Variants in SPEG observed in about 807,000 individuals in gnomAD.
SPEG encodes the protein striated muscle enriched protein kinase.
In SPEG, 114 loss-of-function variants were observed where a neutral mutation model predicts 300.4. The ratio of observed to expected loss-of-function variants is 0.38; its 90% CI spans 0.33 to 0.44. The LOEUF is 0.44. Ranked by LOEUF, SPEG falls within the 20% of genes least tolerant of loss-of-function variation. SPEG has a pLI of 1.00. For missense variants in SPEG, 4,201 were observed against 4,586.2 expected, an observed-to-expected ratio of 0.92 and a Z score of 2.43; for synonymous variants, 1,964 against 2,018.9, an observed-to-expected ratio of 0.97 and a Z score of 0.73.
intron 1 of SPEG, chr2:219,442,984 C>T (rs1051145877): frequency 2.5e-5 from 19 of 771,668 alleles, no homozygotes; most frequent in Non-Finnish European, 4.1e-5. Flanking sequence ...GCCCACCTCC[C>T]CTCTCACACA....
At chr2:219,468,832 C>T (rs371290913) in intron 11 of SPEG, 27 bp from the exon 12 acceptor site, 63 of 1,608,560 alleles carry the variant, frequency 3.9e-5, no homozygotes, top group Non-Finnish European at 5.1e-5. Context: ...TGTGCCTGCT[C>T]TGCATTCCCA....
rs558515300 is a variant in SPEG at position 219,472,061 on chromosome 2, G to A, written c.3835+74G>A. The A allele has an allele frequency of 5.0e-5, 79 of 1,583,592 alleles. No homozygotes were observed. The Middle Eastern group carries it at 8.9e-4, about 18-fold the overall frequency. ...GCACTACGTGGGGGCTCAGGGAAAG[G>A]GGCCTCCACCCAGCTCCCTTCCCCT... On this transcript the variant is annotated intron_variant, in intron 14 of 40. Transcript: ENST00000312358.
intron 13 of SPEG, 71 bp downstream of exon 13, chr2:219,469,450 T>C: frequency 8.6e-7 from 1 of 1,167,782 alleles, no homozygotes. Context: ...CCTGCCCCTC[T>C]CCCCAGCTCT....
In SPEG at chr2:219,444,156, G is replaced by A. The variant is rs2125241917; in HGVS notation, c.389-497G>A. 1.0e-6 allele frequency: 1 copy of A among 963,142 alleles called. No homozygotes were observed. The highest frequency in any genetic ancestry group is 1.5e-6 in the Non-Finnish European group (1 of 675,956). The allele number at this position is 963,142 out of a possible 1,614,324, so 59.7% of individuals were successfully genotyped here. ...CTGCCTCAGCTGCACCCGATGCCTT[G>A]CAGCTGGTTTGGGGTAGAGGACAGG... On this transcript the variant is annotated intron_variant, in intron 1 of 40. Transcript: ENST00000312358. This position sits in a 1 kb window ranked among gnomAD's most constrained non-coding sequence, Gnocchi z 7.8.
chr2:219,481,524 A>G lies in SPEG; in HGVS notation c.5522+68A>G. 1 of 1,606,862 alleles carries G rather than the reference A, an allele frequency of 6.2e-7. No individual in the cohort carries two copies. Among genetic ancestry groups the G allele is most frequent in the Non-Finnish European group, 8.5e-7 (1 of 1,174,732 alleles). ...TCATACCACCTGCCTGCTACTCCCA[A>G]ACTCCTGCCCCTCGACATGCAAGCC... On this transcript the variant is annotated intron_variant, in intron 27 of 40. Coordinates refer to ENST00000312358, the MANE Select transcript of SPEG (RefSeq NM_005876.5). This position sits in a 1 kb window ranked among gnomAD's most constrained non-coding sequence, Gnocchi z 5.4.
At chr2:219,452,630 G>A (rs116818441) in intron 6 of SPEG, among the ~76,000 whole-genome samples, 2,009 of 152,198 alleles carry the variant, frequency 0.013, 45 homozygotes, top group African/African-American at 0.045. Context: ...GGGACAGTGC[G>A]GAGCAGATGG....
intron 36 of SPEG, 109 bp downstream of exon 36, chr2:219,490,048 G>C: frequency 7.8e-7 from 1 of 1,287,486 alleles, no homozygotes; most frequent in Non-Finnish European, 1.1e-6. Flanking sequence ...GGGGGGAGGT[G>C]CTGAGACCTG....
In SPEG at chr2:219,472,103, C is replaced by G. The variant is rs1009081282; in HGVS notation, c.3835+116C>G. The G allele has an allele frequency of 3.9e-5, 60 of 1,520,432 alleles. 1 individual carries two copies. In the African/African-American group the frequency reaches 7.5e-4, roughly 19 times the overall value. The allele number at this position is 1,520,432 out of a possible 1,614,324, so 94.2% of individuals were successfully genotyped here. On this transcript the variant is annotated intron_variant, in intron 14 of 40. Transcript: ENST00000312358. ...CCTTCCCCTCCATCCCCTGGGGACC[C>G]TCTTGCCTTGCCCCTGCCCCTGCGG...
intron 28 of SPEG, chr2:219,482,355 G>GAAGC (rs1297403813): frequency 5.5e-6 from 1 of 181,602 alleles, no homozygotes; most frequent in Admixed American, 5.3e-5. Flanking sequence ...GTAGCTGAGG[G>GAAGC]AAGCATCCGT....
rs1690462390 is a variant in SPEG, at chr2:219,459,460, GGCTACT to G, written c.2441-2419_2441-2414del. Among the ~76,000 whole-genome samples, 1 of 152,224 alleles carries G rather than the reference GGCTACT, an allele frequency of 6.6e-6. No homozygotes were observed. The highest frequency in any genetic ancestry group is 1.5e-5 in the Non-Finnish European group (1 of 68,044). On this transcript the variant is annotated intron_variant, in intron 6 of 40. Coordinates refer to ENST00000312358, the MANE Select transcript of SPEG (RefSeq NM_005876.5). The surrounding 1 kb of genome is among the most constrained non-coding windows in gnomAD (Gnocchi z 4.9). ...ACTTTTGGAGGTATGGAGGGGCAGA[GGCTACT>G]GCCTTGTCTGGAAGAGGCCTGGGCT...
Position 219,444,146 on chromosome 2 carries a change from C to T in SPEG, c.389-507C>T. ...TCTCCTCACCCTGCCTCAGCTGCAC[C>T]CGATGCCTTGCAGCTGGTTTGGGGT... On this transcript the variant is annotated intron_variant, in intron 1 of 40. Transcript: ENST00000312358. The surrounding 1 kb of genome is among the most constrained non-coding windows in gnomAD (Gnocchi z 7.8). The T allele has an allele frequency of 2.0e-6, 2 of 1,024,908 alleles. No individual in the cohort carries two copies. Among genetic ancestry groups the T allele is most frequent in the Non-Finnish European group, 2.7e-6 (2 of 731,212 alleles). The allele number at this position is 1,024,908 out of a possible 1,614,324, so 63.5% of individuals were successfully genotyped here. A position where few individuals can be genotyped will look rare whatever the true frequency, so the allele number is the denominator to read the frequency against.
At chr2:219,452,947 G>A (rs114121882) in intron 6 of SPEG, among the ~76,000 whole-genome samples, 3 of 152,312 alleles carry the variant, frequency 2.0e-5, no homozygotes, top group African/African-American at 7.2e-5. Flanking sequence ...TTGTGCCACT[G>A]CAGGTCTTCA....
At position 219,480,717 on chromosome 2, in the gene SPEG, G is replaced by A. The variant is rs1692761058; in HGVS notation, c.5369+20G>A. ...CCTCTGGTAAGGACCCCTCTGCAAT[G>A]TCCCAGCAGTCTCCTGGCAGGTCTA... On this transcript the variant is annotated intron_variant, in intron 26 of 40. Transcript: ENST00000312358. This position sits in a 1 kb window ranked among gnomAD's most constrained non-coding sequence, Gnocchi z 5.3. 6.2e-7 allele frequency: 1 copy of A among 1,613,200 alleles called. No individual in the cohort carries two copies. Among genetic ancestry groups the A allele is most frequent in the Non-Finnish European group, 8.5e-7 (1 of 1,179,232 alleles).
At position 219,491,737 on chromosome 2, in the gene SPEG, G is replaced by A. The variant is rs932523315; in HGVS notation, c.9386-57G>A. On this transcript the variant is annotated intron_variant, in intron 38 of 40. Coordinates refer to ENST00000312358, the MANE Select transcript of SPEG (RefSeq NM_005876.5). Reference sequence around the variant, plus strand: ...GCTCAAGCACCCAGGGACCTCCCCCGCCCCCACTTCCCTGCCACCAGGAAG... The same window carrying A: ...GCTCAAGCACCCAGGGACCTCCCCCACCCCCACTTCCCTGCCACCAGGAAG... 1.7e-5 allele frequency: 25 copies of A among 1,443,438 alleles called. No homozygotes were observed. In the Admixed American group the frequency reaches 1.9e-4, roughly 11 times the overall value. The allele number at this position is 1,443,438 out of a possible 1,614,324, so 89.4% of individuals were successfully genotyped here. A position where few individuals can be genotyped will look rare whatever the true frequency, so the allele number is the denominator to read the frequency against.
At chr2:219,441,276 GGTACCTCT>G (rs1241690940) in intron 1 of SPEG, among the ~76,000 whole-genome samples, 1 of 152,284 alleles carries the variant, frequency 6.6e-6, no homozygotes, top group East Asian at 1.9e-4. Context: ...GAATAATGGG[GGTACCTCT>G]GTGCACCTTT....
intron 32 of SPEG, 65 bp from the exon 33 acceptor site, chr2:219,488,433 G>C: frequency 6.6e-7 from 1 of 1,516,106 alleles, no homozygotes; most frequent in South Asian, 1.3e-5. Context: ...AGTGGGGAGT[G>C]AGTGAGGGGG....
rs1287890169 is a variant in SPEG, at chr2:219,479,102, G to A, written c.5028-42G>A. On this transcript the variant is annotated intron_variant, in intron 22 of 40. Transcript: ENST00000312358. The surrounding 1 kb of genome is among the most constrained non-coding windows in gnomAD (Gnocchi z 5.5). ...TGCCCTGAGCGCTGGGCTGGGCCGG[G>A]CAGTTGGCACTGGGCACTGTTCTCC... The A allele has an allele frequency of 1.9e-6, 3 of 1,594,096 alleles. No individual in the cohort carries two copies. Among genetic ancestry groups the A allele is most frequent in the South Asian group, 2.2e-5 (2 of 90,734 alleles).
At chr2:219,467,097 G>C (rs1691433901) in intron 9 of SPEG, 77 bp from the exon 10 acceptor site, 1 of 1,456,770 alleles carries the variant, frequency 6.9e-7, no homozygotes, top group African/African-American at 1.4e-5. Flanking sequence ...CTGTCTCTCT[G>C]TGCGTGCGTA....
At chr2:219,446,567 G>A (rs1223336582) in intron 3 of SPEG, among the ~76,000 whole-genome samples, 1 of 152,266 alleles carries the variant, frequency 6.6e-6, no homozygotes, top group Non-Finnish European at 1.5e-5. Context: ...TCTGTCATGT[G>A]GGTGGCTGAC....
Sources: allele counts gnomAD v4.1 joint callset (sites outside exome capture counted in the v4.1 genomes callset), GRCh38; gene constraint gnomAD v4.1.1; non-coding constraint Gnocchi (gnomAD v3.1); transcripts MANE v1.5; gene names NCBI Gene and HGNC (gene_info 2026-07-23, HGNC 2026-07-21).